The following LOXL2 variants were observed in gnomAD, a reference collection of about 807,000 sequenced individuals.
LOXL2 encodes the protein lysyl oxidase homolog 2.
Under a neutral mutation model 93.0 loss-of-function variants are expected in LOXL2, and 70 were observed. That is an observed-to-expected ratio of 0.75 (90% CI 0.62 to 0.92). The LOEUF (loss-of-function observed/expected upper bound fraction) is 0.92, where lower values mean the gene tolerates loss of function less well. Among genes scored for constraint, LOXL2 ranks in the 40% least tolerant of loss-of-function variants. The pLI is 0.00. For synonymous variants in LOXL2, 438 were observed against 413.2 expected, an observed-to-expected ratio of 1.06 and a Z score of -0.73; for missense variants, 973 against 1,054.9, an observed-to-expected ratio of 0.92 and a Z score of 1.08.
intron 1 of LOXL2, among the ~76,000 whole-genome samples, chr8:23,368,898 T>C (rs1804456159): frequency 6.6e-6 from 1 of 152,046 alleles, no homozygotes. Flanking sequence ...AGCCAACCCA[T>C]GGCAACGGCG....
chr8:23,303,557 G>C (rs76252560), intron 10 of LOXL2, among the ~76,000 whole-genome samples, 160 bp from the exon 11 acceptor site: 1 of 152,256 alleles, frequency 6.6e-6, no homozygotes, highest in Non-Finnish European at 1.5e-5. Context: ...AAGGAAAGCC[G>C]GTGCTGCAGA....
chr8:23,309,750 A>G lies in LOXL2; in HGVS notation c.1798T>C (p.Ser600Pro). Reference sequence around the variant, plus strand: ...TGGCCATTGTTGTGGATCTGGGAGGAGAAGCGCAGGAGCCGGCGGTAGCCC... The same window carrying G: ...TGGCCATTGTTGTGGATCTGGGAGGGGAAGCGCAGGAGCCGGCGGTAGCCC... ...TTGYRRLLRF[S>P]SQIHNNGQSD... The change falls in exon 10 of 14, where the codon TCC (serine) becomes CCC (proline). Residue 600 changes from serine to proline, a missense_variant. By Grantham distance (74) the Ser-to-Pro change is moderately conservative. Transcript: ENST00000389131. 6.2e-7 allele frequency: 1 copy of G among 1,600,582 alleles called. No homozygotes were observed. The highest frequency in any genetic ancestry group is 2.3e-5 in the East Asian group (1 of 43,776).
intron 12 of LOXL2, among the ~76,000 whole-genome samples, chr8:23,301,790 T>G (rs1803136092): frequency 6.6e-6 from 1 of 152,170 alleles, no homozygotes. Flanking sequence ...AGGTGTTAAC[T>G]CAATCAAATG....
At chr8:23,382,655 A>G (rs1804697330) in intron 1 of LOXL2, 1 of 152,198 alleles carries the variant, frequency 6.6e-6, no homozygotes, top group Non-Finnish European at 1.5e-5. Flanking sequence ...CTGAAGTCCT[A>G]AAAGTCCTAG....
intron 1 of LOXL2, among the ~76,000 whole-genome samples, chr8:23,400,010 A>C (rs908474035): frequency 1.3e-5 from 2 of 152,248 alleles, no homozygotes; most frequent in Non-Finnish European, 2.9e-5. Flanking sequence ...GTTTCAAAGC[A>C]ACAAGCGTAA....
At chr8:23,326,964 G>A (rs1357297128) in intron 6 of LOXL2, among the ~76,000 whole-genome samples, 1 of 152,228 alleles carries the variant, frequency 6.6e-6, no homozygotes, top group Non-Finnish European at 1.5e-5. Flanking sequence ...GCATAAGGAA[G>A]AAGCCCTTGT....
chr8:23,395,509 A>G (rs917503066), intron 1 of LOXL2, among the ~76,000 whole-genome samples: 22 of 152,166 alleles, frequency 1.4e-4, no homozygotes, highest in Admixed American at 2.6e-4. Flanking sequence ...ATATTTGCAC[A>G]TATCTGTGAA....
intron 1 of LOXL2, among the ~76,000 whole-genome samples, chr8:23,387,881 C>A (rs1378634169): frequency 2.6e-5 from 4 of 152,082 alleles, no homozygotes; most frequent in Admixed American, 2.6e-4. Context: ...ACCCGGAAGG[C>A]AGAGGTTCAG....
At chr8:23,333,662 T>C in intron 4 of LOXL2, 39 bp from the exon 5 acceptor site, 1 of 1,529,658 alleles carries the variant, frequency 6.5e-7, no homozygotes, top group Non-Finnish European at 9.0e-7. Flanking sequence ...CAGGGCATCA[T>C]GACGCCTACC....
Position 23,317,029 on chromosome 8 carries a change from G to T in LOXL2, c.1556C>A (p.Ala519Glu). Residue 519 changes from alanine to glutamate, a missense_variant, in exon 9 of 14, where the codon GCG (alanine) becomes GAG (glutamate). Coordinates refer to ENST00000389131, the MANE Select transcript of LOXL2 (RefSeq NM_002318.3). ...VKCSGTELSL[A>E]HCRHDGEDVA... ...GTCCTCCCCGTCGTGGCGGCAGTGC[G>T]CCAGGGACAGCTCCGTTCCCGAGCA... 1 of 1,614,172 alleles carries T rather than the reference G, an allele frequency of 6.2e-7. No homozygotes were observed. The highest frequency in any genetic ancestry group is 8.5e-7 in the Non-Finnish European group (1 of 1,180,020).
chr8:23,321,687 T>C (rs1803499141), intron 7 of LOXL2: 1 of 163,448 alleles, frequency 6.1e-6, no homozygotes, highest in Non-Finnish European at 1.3e-5. Context: ...TGGTTCTCAG[T>C]GGCAGCAGCA....
At chr8:23,391,577 A>G (rs1563210354) in intron 1 of LOXL2, among the ~76,000 whole-genome samples, 1 of 152,116 alleles carries the variant, frequency 6.6e-6, no homozygotes, top group Non-Finnish European at 1.5e-5. Context: ...CTAATAATCT[A>G]TGGCCAAATC....
At chr8:23,309,600 A>G (rs942932149) in intron 10 of LOXL2, 68 bp downstream of exon 10, 8 of 1,344,262 alleles carry the variant, frequency 6.0e-6, no homozygotes, top group Non-Finnish European at 7.7e-6. Flanking sequence ...GCAACTCTCA[A>G]CTCCCATCTG....
At chr8:23,394,308 G>A (rs1259635289) in intron 1 of LOXL2, among the ~76,000 whole-genome samples, 1 of 150,550 alleles carries the variant, frequency 6.6e-6, no homozygotes, top group Non-Finnish European at 1.5e-5. Context: ...CAGGAGAATC[G>A]CTTGAACTCG....
At chr8:23,399,577 G>A (rs11781871) in intron 1 of LOXL2, among the ~76,000 whole-genome samples, 26,868 of 152,032 alleles carry the variant, frequency 0.18, 2,444 homozygotes, top group East Asian at 0.31. Flanking sequence ...CATCACCTTG[G>A]GATACTGCCA....
chr8:23,305,918 TCTC>T (rs1345032315), intron 10 of LOXL2, among the ~76,000 whole-genome samples: 1 of 151,872 alleles, frequency 6.6e-6, no homozygotes, highest in East Asian at 1.9e-4. Context: ...TTCAAGCAAT[TCTC>T]CTGCCTCAGC....
chr8:23,372,672 C>T (rs28417749), intron 1 of LOXL2, among the ~76,000 whole-genome samples: 39,104 of 151,976 alleles, frequency 0.26, 5,339 homozygotes, highest in African/African-American at 0.36. Flanking sequence ...GGACAGTTTA[C>T]GATAATGAAA....
At chr8:23,309,416 G>T (rs1004479453) in intron 10 of LOXL2, among the ~76,000 whole-genome samples, 12 of 152,236 alleles carry the variant, frequency 7.9e-5, no homozygotes, top group African/African-American at 2.9e-4. Context: ...TCAAAACAAA[G>T]TGTGTTTCCT....
In LOXL2 at chr8:23,341,203, T is replaced by C. The variant is rs923721835; in HGVS notation, c.532A>G (p.Asn178Asp). ...FDNSLINQIE[N>D]LNIQVEDIRI... is the part of the protein sequence containing the mutation. The stretch of plus-strand genomic sequence containing the variant: ...ATGTCCTCCACCTGGATATTCAGGT[T>C]CTGGGAAGAAAGAGGCGTGGAAGGA... Residue 178 changes from asparagine (N) to aspartate (D), a missense_variant and splice_region_variant, in exon 4 of 14, where the codon AAC (asparagine) becomes GAC (aspartate). Coordinates refer to ENST00000389131, the MANE Select transcript of LOXL2 (RefSeq NM_002318.3). 2 of 1,612,244 alleles carry C rather than the reference T, an allele frequency of 1.2e-6. No individual in the cohort carries two copies. The highest frequency in any genetic ancestry group is 1.7e-6 in the Non-Finnish European group (2 of 1,179,242).
Sources: gnomAD v4.1 joint callset for allele counts (sites outside exome capture counted in the v4.1 genomes callset) on GRCh38, gnomAD v4.1.1 for gene constraint, MANE v1.5 for transcripts, NCBI Gene and HGNC (gene_info 2026-07-23, HGNC 2026-07-21) for gene names.